The following WAC variants were observed in gnomAD, a reference collection of about 807,000 sequenced individuals.
WAC encodes WW domain containing adaptor with coiled-coil, also known as WW domain-containing adapter protein with coiled-coil.
In WAC, 11 loss-of-function variants were observed where a neutral mutation model predicts 79.6. That is an observed-to-expected ratio of 0.14 (90% CI 0.09 to 0.23). The LOEUF (loss-of-function observed/expected upper bound fraction) is 0.23. Ranked by LOEUF, WAC falls within the 10% of genes least tolerant of loss-of-function variation. The pLI is 1.00. For synonymous variants in WAC, 304 were observed against 276.9 expected, an observed-to-expected ratio of 1.10 and a Z score of -0.97; for missense variants, 728 against 773.5, an observed-to-expected ratio of 0.94 and a Z score of 0.70.
intron 6 of WAC, among the ~76,000 whole-genome samples, chr10:28,595,359 A>T (rs1204987361): frequency 6.6e-6 from 1 of 152,150 alleles, no homozygotes; most frequent in Non-Finnish European, 1.5e-5. Context: ...CGAAGCATTT[A>T]CTTTTTCTGC....
intron 3 of WAC, among the ~76,000 whole-genome samples, chr10:28,549,754 A>G (rs1793246340): frequency 6.6e-6 from 1 of 152,100 alleles, no homozygotes; most frequent in Non-Finnish European, 1.5e-5. Flanking sequence ...TATCAGATAC[A>G]TTTTCTTATC....
chr10:28,605,274 T>A (rs1243216683), intron 7 of WAC, among the ~76,000 whole-genome samples: 1 of 152,248 alleles, frequency 6.6e-6, no homozygotes, highest in Non-Finnish European at 1.5e-5. Flanking sequence ...AGTCTATTTT[T>A]GCATAAACAG....
At chr10:28,600,061 G>A (rs1840564600) in intron 7 of WAC, among the ~76,000 whole-genome samples, 1 of 152,150 alleles carries the variant, frequency 6.6e-6, no homozygotes, top group African/African-American at 2.4e-5. Flanking sequence ...TGACCAAGTT[G>A]TCAGGAGAGT....
chr10:28,604,432 CAGAGA>C (rs1386286135), intron 7 of WAC, among the ~76,000 whole-genome samples: 1 of 151,756 alleles, frequency 6.6e-6, no homozygotes, highest in Non-Finnish European at 1.5e-5. Context: ...ACAAGGGCTA[CAGAGA>C]AAAGTACAAC....
intron 3 of WAC, among the ~76,000 whole-genome samples, chr10:28,581,012 C>G (rs1322832948): frequency 6.6e-6 from 1 of 152,084 alleles, no homozygotes. Context: ...AAGAGTCATA[C>G]AGGATGCACT....
chr10:28,533,383 T>C lies in WAC; in HGVS notation c.-197T>C, dbSNP rs1037243087. 6.4e-6 allele frequency: 1 copy of C among 157,238 alleles called. No individual in the cohort carries two copies. Among genetic ancestry groups the C allele is most frequent in the Non-Finnish European group, 1.4e-5 (1 of 72,348 alleles). 9.7% of individuals were successfully genotyped at this position (157,238 alleles called of 1,614,324 possible). A position where few individuals can be genotyped will look rare whatever the true frequency, so the allele number is the denominator to read the frequency against. On this transcript the variant is annotated 5_prime_UTR_variant, in exon 1 of 14. Coordinates refer to ENST00000354911, the MANE Select transcript of WAC (RefSeq NM_016628.5). The stretch of plus-strand genomic sequence containing the variant: ...TTGGCGCCGCTGCCCCGGCTGAGAG[T>C]GAGCGTGGTGTCGACGGAGGGAGAT...
chr10:28,534,818 C>T (rs138154631), intron 2 of WAC, among the ~76,000 whole-genome samples: 25 of 152,336 alleles, frequency 1.6e-4, no homozygotes, highest in African/African-American at 5.1e-4. Flanking sequence ...AAAACACTGT[C>T]TTCTGATATG....
intron 3 of WAC, among the ~76,000 whole-genome samples, chr10:28,563,612 C>T (rs1428448766): frequency 6.6e-6 from 1 of 152,026 alleles, no homozygotes; most frequent in Admixed American, 6.6e-5. Flanking sequence ...CGGAGTTTTG[C>T]TCTGTCACCC....
chr10:28,611,131 A>C, intron 9 of WAC: 1 of 634,086 alleles, frequency 1.6e-6, no homozygotes, highest in Non-Finnish European at 2.4e-6. Flanking sequence ...AAAGTAAACT[A>C]TGATGTGCCA....
intron 3 of WAC, among the ~76,000 whole-genome samples, chr10:28,571,798 G>A (rs1838985558): frequency 6.6e-6 from 1 of 152,250 alleles, no homozygotes; most frequent in East Asian, 1.9e-4. Flanking sequence ...ACCTGCCTCT[G>A]TTTCTTTTTG....
At chr10:28,578,528 G>A (rs190875987) in intron 3 of WAC, among the ~76,000 whole-genome samples, 46 of 152,224 alleles carry the variant, frequency 3.0e-4, no homozygotes, top group Admixed American at 5.2e-4. Flanking sequence ...AAAGCTGGTT[G>A]CCTTTCCCAC....
At chr10:28,536,912 A>G (rs543034873) in intron 3 of WAC, among the ~76,000 whole-genome samples, 1 of 152,354 alleles carries the variant, frequency 6.6e-6, no homozygotes, top group South Asian at 2.1e-4. Context: ...GTAAAGTACC[A>G]TGTGACTTTT....
intron 2 of WAC, 177 bp downstream of exon 2, chr10:28,534,211 G>C: frequency 1.9e-6 from 1 of 536,928 alleles, no homozygotes; most frequent in Non-Finnish European, 3.2e-6. Context: ...TCTCCAGCAA[G>C]GTTTAGTGAC....
chr10:28,557,398 T>TA (rs1564383904), intron 3 of WAC, among the ~76,000 whole-genome samples: 1 of 152,140 alleles, frequency 6.6e-6, no homozygotes, highest in East Asian at 1.9e-4. Flanking sequence ...AATTGGAAAA[T>TA]AAAGGAATAG....
Position 28,622,442 on chromosome 10 carries a change from C to A in WAC, c.*2836C>A, listed in dbSNP as rs1216213374. ...CTCCCCCTGCCCCCCCCCCCCCCCCCCCGTTTTAAAAGATCAGTAGTCTCT... is the reference window on the plus strand; with the variant it reads ...CTCCCCCTGCCCCCCCCCCCCCCCCACCGTTTTAAAAGATCAGTAGTCTCT... On this transcript the variant is annotated 3_prime_UTR_variant, in exon 14 of 14. Transcript: ENST00000354911. The A allele has an allele frequency of 2.0e-5, 1 of 49,348 alleles. No individual in the cohort carries two copies. Among genetic ancestry groups the A allele is most frequent in the Admixed American group, 1.4e-4 (1 of 7,320 alleles). 3.1% of individuals were successfully genotyped at this position (49,348 alleles called of 1,614,324 possible).
chr10:28,584,910 A>G (rs1329530918), intron 4 of WAC, among the ~76,000 whole-genome samples: 3 of 152,120 alleles, frequency 2.0e-5, no homozygotes, highest in Non-Finnish European at 4.4e-5. Flanking sequence ...TCTACTAAAG[A>G]TACAAAAGTT....
intron 7 of WAC, among the ~76,000 whole-genome samples, chr10:28,603,979 A>G (rs1275004502): frequency 1.5e-5 from 1 of 66,726 alleles, no homozygotes; most frequent in African/African-American, 6.5e-5. Context: ...ATATATATAT[A>G]TATATATATG....
chr10:28,605,181 A>G (rs332166), intron 7 of WAC, among the ~76,000 whole-genome samples: 25,620 of 152,174 alleles, frequency 0.17, 2,829 homozygotes, highest in Non-Finnish European at 0.25. Flanking sequence ...TCAGTTCTCC[A>G]CATTGTGCTA....
intron 3 of WAC, among the ~76,000 whole-genome samples, chr10:28,556,783 A>C (rs1344341376): frequency 6.6e-6 from 1 of 151,974 alleles, no homozygotes. Context: ...GCGTGCGGCT[A>C]TCCAGTTTTC....
Sources: gnomAD v4.1 joint callset for allele counts (sites outside exome capture counted in the v4.1 genomes callset) on GRCh38, gnomAD v4.1.1 for gene constraint, MANE v1.5 for transcripts, NCBI Gene and HGNC (gene_info 2026-07-23, HGNC 2026-07-21) for gene names.